SFXN5: variants seen among roughly 807,000 people sequenced by gnomAD.
SFXN5 encodes sideroflexin 5.
A neutral mutation model predicts 50.2 loss-of-function variants in SFXN5; 43 were observed. The observed-to-expected ratio is 0.86, with a 90% CI of 0.67 to 1.11. SFXN5 has a LOEUF of 1.11. Ranked by LOEUF, SFXN5 falls within the 50% of genes least tolerant of loss-of-function variation. The pLI is 0.00. For missense variants in SFXN5, 463 were observed against 454.1 expected, an observed-to-expected ratio of 1.02 and a Z score of -0.18; for synonymous variants, 203 against 185.8, an observed-to-expected ratio of 1.09 and a Z score of -0.75.
chr2:73,042,481 TGC>T (rs1679776373), intron 2 of SFXN5: 1 of 152,012 alleles, frequency 6.6e-6, no homozygotes, highest in Non-Finnish European at 1.5e-5. Context: ...GGCATGGTGG[TGC>T]GCACCTGTAA....
intron 1 of SFXN5, 97 bp from the exon 2 acceptor site, chr2:73,058,693 C>T (rs937491574): frequency 1.1e-5 from 13 of 1,148,980 alleles, no homozygotes; most frequent in African/African-American, 1.5e-5. Context: ...TGGGGTCCCC[C>T]GGTCCCCAGG....
In SFXN5 at chr2:72,945,348, G is replaced by A. The variant is rs1487861668; in HGVS notation, c.946-249C>T. ...TTTCTTCTGATGGTGTGTCCACGTGGGTGGACATCCTACACACTGGCCTCT... is the reference window on the plus strand; with the variant it reads ...TTTCTTCTGATGGTGTGTCCACGTGAGTGGACATCCTACACACTGGCCTCT... On this transcript the variant is annotated intron_variant, in intron 13 of 13. Coordinates refer to ENST00000272433, the MANE Select transcript of SFXN5 (RefSeq NM_144579.3). The surrounding 1 kb of genome is among the most constrained non-coding windows in gnomAD (Gnocchi z 5.8). 1.3e-5 allele frequency among the ~76,000 whole-genome samples: 2 copies of A among 151,994 alleles called. No homozygotes were observed. The highest frequency in any genetic ancestry group is 4.8e-5 in the African/African-American group (2 of 41,360).
intron 3 of SFXN5, among the ~76,000 whole-genome samples, chr2:73,031,604 AG>A (rs1678316406): frequency 6.6e-6 from 1 of 152,236 alleles, no homozygotes; most frequent in South Asian, 2.1e-4. Context: ...CAGGGAAGAA[AG>A]GAAGGAATGG....
intron 5 of SFXN5, among the ~76,000 whole-genome samples, chr2:73,022,108 A>C (rs779828757): frequency 2.0e-5 from 3 of 152,186 alleles, no homozygotes; most frequent in Non-Finnish European, 4.4e-5. Flanking sequence ...TGACTGCCTA[A>C]AAGGGGCAGG....
At chr2:72,985,860 AG>A (rs560764606) in intron 10 of SFXN5, among the ~76,000 whole-genome samples, 22 of 152,318 alleles carry the variant, frequency 1.4e-4, no homozygotes, top group Middle Eastern at 3.4e-3. Flanking sequence ...GACCCAAAGC[AG>A]GGACTCTCCT....
rs764314178 is a variant in SFXN5, at chr2:72,955,192, G to A, written c.945+5939C>T. On this transcript the variant is annotated intron_variant, in intron 13 of 13. Transcript: ENST00000272433. ...AACCTCACCAAATCAGCTAATTATT[G>A]ACAGTTGGTGAAGAGGAGATTTCAC... Among the ~76,000 whole-genome samples the A allele has an allele frequency of 6.3e-4, 96 of 152,308 alleles. 1 individual carries two copies. Among genetic ancestry groups the A allele is most frequent in the Admixed American group, 2.1e-3 (32 of 15,304 alleles).
At chr2:72,985,709 A>G (rs182166605) in intron 10 of SFXN5, among the ~76,000 whole-genome samples, 167 of 152,256 alleles carry the variant, frequency 1.1e-3, no homozygotes, top group African/African-American at 3.8e-3. Flanking sequence ...CTTAAACCAC[A>G]TTATGCAACC....
At chr2:73,005,885 A>G (rs541669537) in intron 6 of SFXN5, among the ~76,000 whole-genome samples, 83 of 127,958 alleles carry the variant, frequency 6.5e-4, no homozygotes, top group African/African-American at 2.4e-3. Flanking sequence ...GGGACAATGC[A>G]CTCCTGACTC....
At position 73,001,566 on chromosome 2, in the gene SFXN5, G is replaced by A; in HGVS notation, c.370C>T (p.Leu124Phe). Residue 124 changes from leucine to phenylalanine, a missense_variant, in exon 7 of 14, where the codon CTC (leucine) becomes TTC (phenylalanine). Transcript: ENST00000272433. ...PFGTPIVVGLLLPNQTLASTV... is the reference protein window; with the variant it reads ...PFGTPIVVGLFLPNQTLASTV... ...GATGCCAGTGTCTGGTTGGGCAAGA[G>A]AAGACCGACTACCTATGAGCAAGAG... The A allele has an allele frequency of 6.2e-7, 1 of 1,614,192 alleles. No individual in the cohort carries two copies.
rs534326700 is a variant in SFXN5 at position 72,957,192 on chromosome 2, C to A, written c.945+3939G>T. ...CTCCAGCCAAACTCTCTCCCCAGAGCCATCTGACTGTCTAGGAATCATCTC... is the reference window on the plus strand; with the variant it reads ...CTCCAGCCAAACTCTCTCCCCAGAGACATCTGACTGTCTAGGAATCATCTC... On this transcript the variant is annotated intron_variant, in intron 13 of 13. Transcript: ENST00000272433. 5.0e-5 allele frequency: 21 copies of A among 418,356 alleles called. No individual in the cohort carries two copies. The East Asian group carries it at 1.4e-3, about 29-fold the overall frequency. The allele number at this position is 418,356 out of a possible 1,614,324, so 25.9% of individuals were successfully genotyped here.
At chr2:73,054,119 G>A (rs547476320) in intron 2 of SFXN5, among the ~76,000 whole-genome samples, 24 of 152,236 alleles carry the variant, frequency 1.6e-4, no homozygotes, top group Admixed American at 3.9e-4. Flanking sequence ...CCCATTCATG[G>A]CCCTTCCAGA....
intron 10 of SFXN5, among the ~76,000 whole-genome samples, chr2:72,978,015 A>G (rs1355934365): frequency 6.6e-6 from 1 of 151,362 alleles, no homozygotes; most frequent in African/African-American, 2.4e-5. Context: ...AAAAAAAAAA[A>G]AAAGAAACTC....
chr2:73,063,811 T>C (rs1251651351), intron 1 of SFXN5, among the ~76,000 whole-genome samples: 1 of 152,236 alleles, frequency 6.6e-6, no homozygotes, highest in Non-Finnish European at 1.5e-5. Context: ...CAGCTGGCTC[T>C]GTGTCTGTCC....
chr2:73,056,728 A>G (rs896458155), intron 2 of SFXN5, among the ~76,000 whole-genome samples: 12 of 152,118 alleles, frequency 7.9e-5, no homozygotes, highest in Admixed American at 6.5e-5. Context: ...CTGTCAAGAC[A>G]TACTTCTTAG....
At chr2:72,949,024 G>A (rs1420608594) in intron 13 of SFXN5, among the ~76,000 whole-genome samples, 4 of 152,188 alleles carry the variant, frequency 2.6e-5, no homozygotes, top group African/African-American at 4.8e-5. Context: ...GAGTTCCAAT[G>A]TATTGATAAG....
chr2:72,998,895 C>A, intron 9 of SFXN5, 54 bp downstream of exon 9: 1 of 1,583,548 alleles, frequency 6.3e-7, no homozygotes, highest in Non-Finnish European at 8.7e-7. Context: ...CAATGCTGAG[C>A]GGGGTGGCCC....
intron 10 of SFXN5, among the ~76,000 whole-genome samples, chr2:72,975,904 G>A (rs1304071602): frequency 6.6e-6 from 1 of 152,224 alleles, no homozygotes; most frequent in African/African-American, 2.4e-5. Context: ...AGAAATGCTT[G>A]CCCATATGCA....
intron 3 of SFXN5, among the ~76,000 whole-genome samples, chr2:73,037,363 AC>A (rs2105910257): frequency 6.6e-6 from 1 of 152,186 alleles, no homozygotes; most frequent in Non-Finnish European, 1.5e-5. Flanking sequence ...CCCAGGCCCT[AC>A]CCTCGCTTCT....
chr2:73,063,776 C>T (rs992273339), intron 1 of SFXN5, among the ~76,000 whole-genome samples: 1 of 152,164 alleles, frequency 6.6e-6, no homozygotes. Context: ...TCCTGTGGGT[C>T]CTCGTGAGAA....
Sources: gnomAD v4.1 joint callset for allele counts (sites outside exome capture counted in the v4.1 genomes callset) on GRCh38, gnomAD v4.1.1 for gene constraint, Gnocchi (gnomAD v3.1) non-coding constraint, MANE v1.5 for transcripts, NCBI Gene and HGNC (gene_info 2026-07-23, HGNC 2026-07-21) for gene names.